Variants in SCLT1 observed in about 807,000 individuals in gnomAD.
SCLT1 encodes sodium channel and clathrin linker 1, also known as sodium channel-associated protein 1.
Under a neutral mutation model 112.8 loss-of-function variants are expected in SCLT1, and 78 were observed. That is an observed-to-expected ratio of 0.69 (90% confidence interval 0.58 to 0.83). SCLT1 has a LOEUF of 0.83. SCLT1 is among the 40% of genes least tolerant of loss of function. The probability of loss-of-function intolerance (pLI) is 0.00; values close to 1 mark genes in which losing one functional copy is unlikely to be tolerated. For missense variants in SCLT1, 747 were observed against 770.4 expected, an observed-to-expected ratio of 0.97 and a Z score of 0.36; for synonymous variants, 257 against 254.7, an observed-to-expected ratio of 1.01 and a Z score of -0.09.
chr4:128,914,812 TA>T (rs1371370456), intron 18 of SCLT1, among the ~76,000 whole-genome samples: 2 of 152,152 alleles, frequency 1.3e-5, no homozygotes, highest in Non-Finnish European at 2.9e-5. Flanking sequence ...GAATTTTAGT[TA>T]AAATCAATGC....
At chr4:129,056,397 T>C (rs116466455) in intron 2 of SCLT1, among the ~76,000 whole-genome samples, 73 of 152,342 alleles carry the variant, frequency 4.8e-4, no homozygotes, top group Non-Finnish European at 8.7e-4. Context: ...CCATGCTGTT[T>C]TGGTTACTAT....
intron 18 of SCLT1, among the ~76,000 whole-genome samples, chr4:128,918,638 G>A (rs1317386441): frequency 6.6e-6 from 1 of 152,074 alleles, no homozygotes; most frequent in Non-Finnish European, 1.5e-5. Flanking sequence ...GGCATAGAGT[G>A]GCAAGTTGGA....
intron 14 of SCLT1, 82 bp downstream of exon 14, chr4:128,952,683 TTGAA>T: frequency 1.2e-6 from 1 of 830,184 alleles, no homozygotes; most frequent in South Asian, 1.4e-5. Flanking sequence ...TAAGTATCTT[TTGAA>T]TGAATGAATC....
At chr4:128,886,336 C>G (rs1732891907) in intron 20 of SCLT1, among the ~76,000 whole-genome samples, 1 of 152,054 alleles carries the variant, frequency 6.6e-6, no homozygotes, top group Non-Finnish European at 1.5e-5. Flanking sequence ...CTGCACTGCA[C>G]TATGGTAAGT....
intron 2 of SCLT1, among the ~76,000 whole-genome samples, chr4:129,064,198 A>G (rs1416328356): frequency 6.6e-6 from 1 of 152,134 alleles, no homozygotes; most frequent in African/African-American, 2.4e-5. Flanking sequence ...TTGAATTTTA[A>G]GAGTTCTATA....
intron 2 of SCLT1, among the ~76,000 whole-genome samples, chr4:129,050,185 T>C (rs1748638850): frequency 6.6e-6 from 1 of 152,188 alleles, no homozygotes; most frequent in Non-Finnish European, 1.5e-5. Context: ...TTGTAAATAG[T>C]GCTTCAATAA....
chr4:128,897,278 A>G (rs1427005132), intron 18 of SCLT1, among the ~76,000 whole-genome samples: 3 of 152,108 alleles, frequency 2.0e-5, no homozygotes, highest in Middle Eastern at 3.4e-3. Context: ...AGAGAGAAAG[A>G]TCGGGTTACC....
intron 18 of SCLT1, among the ~76,000 whole-genome samples, chr4:128,924,239 A>G (rs577236472): frequency 6.6e-6 from 1 of 151,894 alleles, no homozygotes; most frequent in African/African-American, 2.4e-5. Context: ...TGGCTTTTGA[A>G]AAGCAGACAT....
At chr4:128,952,957 A>C in intron 13 of SCLT1, 117 bp from the exon 14 acceptor site, 1 of 641,772 alleles carries the variant, frequency 1.6e-6, no homozygotes, top group Non-Finnish European at 2.8e-6. Flanking sequence ...TTAGGGCATA[A>C]AAGACAAATA....
intron 9 of SCLT1, chr4:128,971,554 G>T (rs1374618924): frequency 6.6e-6 from 1 of 152,138 alleles, no homozygotes; most frequent in Non-Finnish European, 1.5e-5. Context: ...TGAAGTAGAG[G>T]AGAGCAAGGT....
At chr4:129,045,648 T>C (rs576898450) in intron 2 of SCLT1, among the ~76,000 whole-genome samples, 1 of 151,856 alleles carries the variant, frequency 6.6e-6, no homozygotes, top group South Asian at 2.1e-4. Context: ...AAGAAGAAAA[T>C]AGGACAGAGA....
chr4:128,882,583 C>T (rs191149716), downstream of SCLT1, among the ~76,000 whole-genome samples: 1 of 152,264 alleles, frequency 6.6e-6, no homozygotes, highest in East Asian at 1.9e-4. Context: ...ATTGAATACC[C>T]TCCAAGTGCC....
At chr4:129,054,822 G>A (rs1749200619) in intron 2 of SCLT1, among the ~76,000 whole-genome samples, 1 of 152,116 alleles carries the variant, frequency 6.6e-6, no homozygotes, top group Non-Finnish European at 1.5e-5. Flanking sequence ...ATTATGTGGT[G>A]AAGAGGAATT....
At chr4:129,070,930 C>G (rs1750949326) in intron 2 of SCLT1, among the ~76,000 whole-genome samples, 1 of 152,112 alleles carries the variant, frequency 6.6e-6, no homozygotes, top group African/African-American at 2.4e-5. Flanking sequence ...ACTTTCCCCT[C>G]TTAGCACTGC....
chr4:128,913,377 T>C (rs1735241645), intron 18 of SCLT1, among the ~76,000 whole-genome samples: 1 of 152,172 alleles, frequency 6.6e-6, no homozygotes, highest in African/African-American at 2.4e-5. Context: ...GCTTCTCTTT[T>C]CTCAGTGAAA....
intron 2 of SCLT1, among the ~76,000 whole-genome samples, chr4:129,059,373 T>C (rs1014473316): frequency 1.3e-5 from 2 of 152,180 alleles, no homozygotes; most frequent in African/African-American, 4.8e-5. Flanking sequence ...TTTTCTCTTA[T>C]TATTGTGGTT....
intron 18 of SCLT1, among the ~76,000 whole-genome samples, chr4:128,892,344 T>A (rs1055890649): frequency 1.7e-4 from 26 of 152,174 alleles, no homozygotes; most frequent in African/African-American, 5.8e-4. Context: ...TGTGTGAACT[T>A]TTAGGGTTAT....
chr4:128,922,095 G>T (rs1242385131), intron 18 of SCLT1, among the ~76,000 whole-genome samples: 1 of 152,122 alleles, frequency 6.6e-6, no homozygotes, highest in Non-Finnish European at 1.5e-5. Context: ...ACCACAATGA[G>T]ATACTATCTC....
At chr4:128,936,242 T>C (rs191317985) in intron 18 of SCLT1, among the ~76,000 whole-genome samples, 1 of 151,872 alleles carries the variant, frequency 6.6e-6, no homozygotes, top group African/African-American at 2.4e-5. Flanking sequence ...ATCACATCAC[T>C]TTGCTCAAAG....
Sources: gnomAD v4.1 joint callset for allele counts (sites outside exome capture counted in the v4.1 genomes callset) on GRCh38, gnomAD v4.1.1 for gene constraint, MANE v1.5 for transcripts, NCBI Gene and HGNC (gene_info 2026-07-23, HGNC 2026-07-21) for gene names.